AGMAT: variants seen among roughly 807,000 people sequenced by gnomAD.
AGMAT encodes the protein guanidino acid hydrolase, mitochondrial.
AGMAT carries 37 observed loss-of-function variants against 29.3 expected under a neutral mutation model. That is an observed-to-expected ratio of 1.26 (90% CI 0.97 to 1.66). The LOEUF (loss-of-function observed/expected upper bound fraction) is 1.66. AGMAT is among the 40% of genes most tolerant of loss of function. The pLI is 0.00. For synonymous variants in AGMAT, 199 were observed against 200.8 expected (o/e 0.99, Z 0.08); for missense variants, 498 against 497.8 (o/e 1.00, Z 0.00).
chr1:15,579,460 A>G (rs1414788523), intron 3 of AGMAT, among the ~76,000 whole-genome samples: 1 of 152,080 alleles, frequency 6.6e-6, no homozygotes, highest in Non-Finnish European at 1.5e-5. Context: ...CAGCCACCCA[A>G]AATAAACATC....
chr1:15,580,718 G>GTA (rs1026830288), intron 2 of AGMAT, among the ~76,000 whole-genome samples: 5 of 151,422 alleles, frequency 3.3e-5, no homozygotes. Context: ...GCTCATGCCT[G>GTA]TAATCCCAGC....
At position 15,576,298 on chromosome 1, in the gene AGMAT, C is replaced by T. The variant is rs565301089; in HGVS notation, c.900+1387G>A. On this transcript the variant is annotated intron_variant, in intron 5 of 6. Transcript: ENST00000375826. Reference sequence around the variant, plus strand: ...TGTATTTTTAGTAGAAATGGGGTTTCTCCATGTTAGGCTGGTCTCAAACTC... The same window carrying T: ...TGTATTTTTAGTAGAAATGGGGTTTTTCCATGTTAGGCTGGTCTCAAACTC... 2.5e-3 allele frequency among the ~76,000 whole-genome samples: 379 copies of T among 151,312 alleles called. 4 individuals are homozygous for T. Among genetic ancestry groups the T allele is most frequent in the African/African-American group, 8.8e-3 (363 of 41,260 alleles).
intron 3 of AGMAT, among the ~76,000 whole-genome samples, chr1:15,579,728 C>A (rs151300670): frequency 6.6e-6 from 1 of 152,290 alleles, no homozygotes; most frequent in Non-Finnish European, 1.5e-5. Flanking sequence ...TCAGCAAGGT[C>A]CACCATTGTG....
Position 15,578,980 on chromosome 1 carries a change from T to C in AGMAT, c.599A>G (p.Tyr200Cys). Residue 200 changes from tyrosine (Y) to cysteine (C), a missense_variant, in exon 4 of 7, where the codon TAC (tyrosine) becomes TGC (cysteine). Transcript: ENST00000375826. The part of the protein sequence containing the change: ...TTDKALGEKL[Y>C]HGAPFRRCVD... ...ACACCGGCGGAAGGGCGCCCCGTGG[T>C]AGAGCTTCTCTCCTAGGGCCTTGTC... 1 of 1,614,130 alleles carries C rather than the reference T, an allele frequency of 6.2e-7. No homozygotes were observed. Among genetic ancestry groups the C allele is most frequent in the Non-Finnish European group, 8.5e-7 (1 of 1,180,014 alleles).
intron 2 of AGMAT, among the ~76,000 whole-genome samples, chr1:15,580,545 G>T (rs375317381): frequency 2.0e-5 from 3 of 152,010 alleles, no homozygotes; most frequent in African/African-American, 4.8e-5. Context: ...AGCCTGGGGG[G>T]AGTTATAACC....
chr1:15,579,593 G>A (rs1438752443), intron 3 of AGMAT, among the ~76,000 whole-genome samples: 1 of 152,152 alleles, frequency 6.6e-6, no homozygotes, highest in Non-Finnish European at 1.5e-5. Context: ...CCCTCCACCC[G>A]GGTCCTTCTG....
intron 5 of AGMAT, among the ~76,000 whole-genome samples, chr1:15,576,438 T>G (rs1170711002): frequency 6.9e-6 from 1 of 144,752 alleles, no homozygotes; most frequent in South Asian, 2.2e-4. Context: ...GGTTGGTTGG[T>G]TTTTTTTTTG....
chr1:15,578,939 G>C lies in AGMAT; in HGVS notation c.640C>G (p.Leu214Val), dbSNP rs950492139. The change falls in exon 4 of 7, where the codon CTG becomes GTG. Residue 214 changes from leucine (L) to valine (V), a missense_variant. Coordinates refer to ENST00000375826, the MANE Select transcript of AGMAT (RefSeq NM_024758.5). ...ATCTGCACCACACGCTTACAGTCCA[G>C]GAGACCCTCATCCACACACCGGCGG... ...PFRRCVDEGL[L>V]DCKRVVQIGI... is the part of the protein sequence containing the mutation. 6.2e-7 allele frequency: 1 copy of C among 1,614,046 alleles called. No homozygotes were observed. The highest frequency in any genetic ancestry group is 1.3e-5 in the African/African-American group (1 of 74,908).
chr1:15,584,609 AG>A, intron 1 of AGMAT, 86 bp downstream of exon 1: 1 of 1,231,416 alleles, frequency 8.1e-7, no homozygotes. Context: ...CGGGGCCAGC[AG>A]GGGCGCCTGT....
In AGMAT at chr1:15,574,781, C is replaced by T; in HGVS notation, c.961G>A (p.Val321Ile). The T allele has an allele frequency of 1.9e-6, 3 of 1,613,946 alleles. No individual in the cohort carries two copies. The highest frequency in any genetic ancestry group is 2.5e-6 in the Non-Finnish European group (3 of 1,179,878). Residue 321 changes from valine to isoleucine, a missense_variant, in exon 6 of 7, where the codon GTT becomes ATT. Physicochemically the swap from Val to Ile is conservative, Grantham distance 29. Coordinates refer to ENST00000375826, the MANE Select transcript of AGMAT (RefSeq NM_024758.5). ...LNVMGCDLVE[V>I]SPPYDLSGNT... ...CCAGAAAGATCATACGGTGGTGAAA[C>T]TTCGACAAGATCACAGCCCATCACG...
intron 2 of AGMAT, 81 bp from the exon 3 acceptor site, chr1:15,580,223 TGAGATGTA>T: frequency 1.0e-6 from 1 of 998,908 alleles, no homozygotes; most frequent in Non-Finnish European, 1.5e-6. Flanking sequence ...TTTTTTTTTT[TGAGATGTA>T]GTTTTGCTCT....
intron 6 of AGMAT, among the ~76,000 whole-genome samples, chr1:15,574,194 A>G (rs892428149): frequency 1.3e-5 from 2 of 152,026 alleles, no homozygotes; most frequent in Admixed American, 6.6e-5. Context: ...CCACCCTGTC[A>G]CTAGACTACA....
At chr1:15,575,835 CT>C (rs878953491) in intron 5 of AGMAT, 1 of 151,994 alleles carries the variant, frequency 6.6e-6, no homozygotes, top group South Asian at 2.1e-4. Context: ...TCACTGAAGG[CT>C]TGACCTGCCA....
chr1:15,577,634 G>A (rs746510914), intron 5 of AGMAT, 51 bp downstream of exon 5: 1 of 1,514,496 alleles, frequency 6.6e-7, no homozygotes, highest in Non-Finnish European at 9.0e-7. Flanking sequence ...CCAGGAAAAT[G>A]GGTGTTAAGT....
intron 3 of AGMAT, 59 bp downstream of exon 3, chr1:15,580,035 C>A: frequency 6.6e-7 from 1 of 1,516,356 alleles, no homozygotes. Flanking sequence ...CAGCAAATAA[C>A]TCATTCCCTA....
At position 15,580,120 on chromosome 1, in the gene AGMAT, A is replaced by C. The variant is rs1423203652; in HGVS notation, c.498T>G (p.Tyr166Ter). 8 of 1,609,434 alleles carry C rather than the reference A, an allele frequency of 5.0e-6. No homozygotes were observed. Among genetic ancestry groups the C allele is most frequent in the Non-Finnish European group, 6.8e-6 (8 of 1,177,390 alleles). The change falls in exon 3 of 7, where the codon TAT (tyrosine) becomes TAG (stop). Residue 166 changes from tyrosine to a stop codon, truncating the protein, a stop_gained. Transcript: ENST00000375826. LOFTEE classifies it high-confidence loss of function. ...LTLGGDHTIT[Y>*]PILQAMAKKH... The stretch of plus-strand genomic sequence containing the variant: ...TTTTTGCCATCGCTTGCAATATGGG[A>C]TATGTGATTGTGTGATCTCCACCTG...
In AGMAT at chr1:15,583,275, A is replaced by G; in HGVS notation, c.393T>C (p.Leu131=). 1 of 1,614,162 alleles carries G rather than the reference A, an allele frequency of 6.2e-7. No individual in the cohort carries two copies. The highest frequency in any genetic ancestry group is 1.3e-5 in the African/African-American group (1 of 75,034). Residue 131 remains leucine (L), a synonymous_variant, in exon 2 of 7, where the codon CTT becomes CTC. Transcript: ENST00000375826. ...GCCGGCAGCTGTCCTGAAGGTTGTA[A>G]AGATTGACATTCACATCGCCTAGGT... ...VADLGDVNVN[L]YNLQDSCRRI... is the part of the protein sequence containing the mutation.
At chr1:15,582,994 T>TCA (rs1485364528) in intron 2 of AGMAT, among the ~76,000 whole-genome samples, 199 bp downstream of exon 2, 3 of 152,078 alleles carry the variant, frequency 2.0e-5, no homozygotes, top group Non-Finnish European at 2.9e-5. Context: ...TGAGACTGTC[T>TCA]CACACACACA....
At chr1:15,574,934 A>G in intron 5 of AGMAT, 93 bp from the exon 6 acceptor site, 1 of 979,904 alleles carries the variant, frequency 1.0e-6, no homozygotes. Flanking sequence ...CCACCCTTTG[A>G]CTTGGAATTG....
Sources: gnomAD v4.1 joint callset for allele counts (sites outside exome capture counted in the v4.1 genomes callset) on GRCh38, gnomAD v4.1.1 for gene constraint, MANE v1.5 for transcripts, NCBI Gene and HGNC (gene_info 2026-07-23, HGNC 2026-07-21) for gene names.